DOCK3: variants seen among roughly 807,000 people sequenced by gnomAD.
DOCK3 encodes dedicator of cytokinesis protein 3.
Under a neutral mutation model 265.6 loss-of-function variants are expected in DOCK3, and 60 were observed. The ratio of observed to expected loss-of-function variants is 0.23; its 90% confidence interval spans 0.18 to 0.28. DOCK3 has a LOEUF of 0.28. DOCK3 is among the 10% of genes least tolerant of loss of function. The pLI, the probability that DOCK3 is intolerant of heterozygous loss-of-function variation, is 1.00. For missense variants in DOCK3, 1,981 were observed against 2,594.3 expected (o/e 0.76, Z 5.14); for synonymous variants, 881 against 938.0 (o/e 0.94, Z 1.11).
intron 9 of DOCK3, among the ~76,000 whole-genome samples, chr3:51,133,197 G>A (rs143867450): frequency 0.021 from 3,207 of 152,120 alleles, 127 homozygotes; most frequent in African/African-American, 0.073. Flanking sequence ...TAAGTTCTAG[G>A]GTACATGTGC....
intron 49 of DOCK3, among the ~76,000 whole-genome samples, chr3:51,364,987 A>T (rs1479398117): frequency 6.6e-6 from 1 of 152,216 alleles, no homozygotes; most frequent in Non-Finnish European, 1.5e-5. Flanking sequence ...GTTCCATATG[A>T]ACTTTAAAGT....
At chr3:51,344,948 G>T (rs893326583) in intron 38 of DOCK3, among the ~76,000 whole-genome samples, 7 of 152,184 alleles carry the variant, frequency 4.6e-5, no homozygotes, top group Non-Finnish European at 1.0e-4. Flanking sequence ...AGAGATGCCG[G>T]CAAGATAGAT....
At chr3:51,123,307 G>A (rs1441389876) in intron 9 of DOCK3, among the ~76,000 whole-genome samples, 1 of 152,182 alleles carries the variant, frequency 6.6e-6, no homozygotes, top group African/African-American at 2.4e-5. Flanking sequence ...AACTCACACT[G>A]CCACTGGCCT....
intron 20 of DOCK3, 133 bp downstream of exon 20, chr3:51,236,561 C>A: frequency 2.5e-6 from 2 of 815,406 alleles, no homozygotes; most frequent in Non-Finnish European, 3.8e-6. Context: ...GGACTAAGGA[C>A]TGTCACCCAA....
At chr3:50,798,970 G>GA (rs558988347) in intron 2 of DOCK3, among the ~76,000 whole-genome samples, 30 of 152,114 alleles carry the variant, frequency 2.0e-4, no homozygotes, top group South Asian at 1.7e-3. Flanking sequence ...ATAATTTATT[G>GA]AAAAAATGGT....
intron 1 of DOCK3, among the ~76,000 whole-genome samples, chr3:50,727,694 C>CAAACA (rs1180088373): frequency 6.6e-6 from 1 of 151,542 alleles, no homozygotes; most frequent in Non-Finnish European, 1.5e-5. Flanking sequence ...TGAGGCTCCT[C>CAAACA]AAACAAAACA....
intron 3 of DOCK3, among the ~76,000 whole-genome samples, chr3:50,848,145 T>C (rs1215835628): frequency 6.6e-6 from 1 of 152,158 alleles, no homozygotes; most frequent in Non-Finnish European, 1.5e-5. Flanking sequence ...TTTATTTGCA[T>C]AGTAGATCTG....
chr3:50,860,919 A>G (rs2046878104), intron 3 of DOCK3, among the ~76,000 whole-genome samples: 1 of 152,120 alleles, frequency 6.6e-6, no homozygotes, highest in Admixed American at 6.5e-5. Context: ...CTAACCTTCC[A>G]CTTTGCTGTA....
At chr3:50,853,130 T>C (rs912484143) in intron 3 of DOCK3, among the ~76,000 whole-genome samples, 2 of 152,198 alleles carry the variant, frequency 1.3e-5, no homozygotes, top group Non-Finnish European at 2.9e-5. Flanking sequence ...CTAGAACTTA[T>C]TCCTTTTAAC....
chr3:50,906,858 T>C (rs1431856358), intron 4 of DOCK3, among the ~76,000 whole-genome samples: 5 of 152,126 alleles, frequency 3.3e-5, no homozygotes, highest in Admixed American at 2.6e-4. Flanking sequence ...AGGGTGTCAG[T>C]TTTAGATCTT....
At chr3:50,725,437 G>A (rs1398639701) in intron 1 of DOCK3, among the ~76,000 whole-genome samples, 1 of 152,128 alleles carries the variant, frequency 6.6e-6, no homozygotes, top group Non-Finnish European at 1.5e-5. Context: ...AACAAAGGAG[G>A]GACCTGAGGT....
chr3:51,315,887 C>T (rs1205959482), intron 32 of DOCK3, among the ~76,000 whole-genome samples: 2 of 152,058 alleles, frequency 1.3e-5, no homozygotes, highest in East Asian at 3.9e-4. Flanking sequence ...TGTACCAGTT[C>T]CCCACTAAGC....
At chr3:51,084,487 A>G (rs2082352318) in intron 7 of DOCK3, among the ~76,000 whole-genome samples, 1 of 152,170 alleles carries the variant, frequency 6.6e-6, no homozygotes, top group Non-Finnish European at 1.5e-5. Flanking sequence ...AGCCAAGAAT[A>G]CTATACCCAA....
chr3:50,949,433 A>C (rs997142575), intron 5 of DOCK3, among the ~76,000 whole-genome samples: 7 of 152,126 alleles, frequency 4.6e-5, no homozygotes, highest in African/African-American at 1.4e-4. Context: ...GCAAATTAAA[A>C]ATTTATCCAT....
chr3:51,174,262 C>T (rs999932718), intron 12 of DOCK3, among the ~76,000 whole-genome samples: 1 of 152,036 alleles, frequency 6.6e-6, no homozygotes, highest in African/African-American at 2.4e-5. Context: ...TCAAGACCAT[C>T]CTGGCCAACA....
chr3:51,132,634 G>A (rs1232432867), intron 9 of DOCK3, among the ~76,000 whole-genome samples: 2 of 152,156 alleles, frequency 1.3e-5, no homozygotes, highest in African/African-American at 2.4e-5. Flanking sequence ...GCTTCATTAT[G>A]TTCCTGTAGA....
intron 1 of DOCK3, among the ~76,000 whole-genome samples, chr3:50,776,278 A>G (rs1014805971): frequency 6.6e-6 from 1 of 152,110 alleles, no homozygotes; most frequent in African/African-American, 2.4e-5. Context: ...AATTATGACC[A>G]TTCTTGCAGA....
At chr3:50,731,892 A>G (rs910354211) in intron 1 of DOCK3, among the ~76,000 whole-genome samples, 4 of 152,234 alleles carry the variant, frequency 2.6e-5, no homozygotes, top group Admixed American at 6.5e-5. Flanking sequence ...AAGAAGTAGC[A>G]AACATAAATA....
Position 50,934,634 on chromosome 3 carries a change from G to A in DOCK3, c.315+557G>A, listed in dbSNP as rs758822119. On this transcript the variant is annotated intron_variant, in intron 5 of 52. Transcript: ENST00000266037. ...TTAAGGCCAGGAGTTTGAAACCACC[G>A]TGGGGGCCACCATCTCTGCACAAAA... 9.2e-5 allele frequency among the ~76,000 whole-genome samples: 14 copies of A among 152,168 alleles called. No individual in the cohort carries two copies. In the East Asian group the frequency reaches 9.7e-4, roughly 10 times the overall value.
Sources: gnomAD v4.1 joint callset for allele counts (sites outside exome capture counted in the v4.1 genomes callset) on GRCh38, gnomAD v4.1.1 for gene constraint, MANE v1.5 for transcripts, NCBI Gene and HGNC (gene_info 2026-07-23, HGNC 2026-07-21) for gene names.